Variants in MECOM observed in about 807,000 individuals in gnomAD.
MECOM encodes the protein MDS1 and EVI1 complex locus, also known as histone-lysine N-methyltransferase MECOM.
Under a neutral mutation model 116.3 loss-of-function variants are expected in MECOM, and 13 were observed. The ratio of observed to expected loss-of-function variants is 0.11; its 90% confidence interval spans 0.07 to 0.18. The LOEUF is 0.18. Among genes scored for constraint, MECOM ranks in the 10% least tolerant of loss-of-function variants. The pLI is 1.00. For missense variants in MECOM, 1,299 were observed against 1,509.0 expected (o/e 0.86, Z 2.31); for synonymous variants, 528 against 535.2 (o/e 0.99, Z 0.19).
chr3:169,266,719 T>C (rs547330660), intron 2 of MECOM, among the ~76,000 whole-genome samples: 39 of 152,306 alleles, frequency 2.6e-4, no homozygotes, highest in Middle Eastern at 3.4e-3. Flanking sequence ...GAAAAACTTC[T>C]GTCAAATATT....
At chr3:169,435,796 T>G (rs943662670) in intron 1 of MECOM, among the ~76,000 whole-genome samples, 3 of 152,192 alleles carry the variant, frequency 2.0e-5, no homozygotes, top group Non-Finnish European at 4.4e-5. Context: ...ATAAATTGCA[T>G]TCAGTCTAAT....
intron 3 of MECOM, among the ~76,000 whole-genome samples, chr3:169,142,467 C>A (rs1738409694): frequency 6.6e-6 from 1 of 151,792 alleles, no homozygotes; most frequent in African/African-American, 2.4e-5. Flanking sequence ...TTGTTGATGG[C>A]GACAGTAACT....
chr3:169,191,770 GAAA>G (rs1747705438), intron 2 of MECOM, among the ~76,000 whole-genome samples: 2 of 136,520 alleles, frequency 1.5e-5, no homozygotes, highest in Admixed American at 1.5e-4. Context: ...AAGAAAGAAA[GAAA>G]GAAAGAAAGA....
chr3:169,617,026 A>C (rs1770098492), intron 1 of MECOM, among the ~76,000 whole-genome samples: 1 of 152,220 alleles, frequency 6.6e-6, no homozygotes, highest in South Asian at 2.1e-4. Context: ...ACACAACAGA[A>C]ACTAGGGTTA....
intron 2 of MECOM, among the ~76,000 whole-genome samples, chr3:169,168,337 C>CTTTTTTTT (rs1166736467): frequency 0.046 from 4,886 of 107,194 alleles, 85 homozygotes; most frequent in South Asian, 0.1. Context: ...ACTTGGCCTG[C>CTTTTTTTT]TTTTTTTTTT....
At chr3:169,188,416 A>G (rs188469563) in intron 2 of MECOM, among the ~76,000 whole-genome samples, 162 of 152,166 alleles carry the variant, frequency 1.1e-3, no homozygotes, top group South Asian at 2.1e-3. Flanking sequence ...GGACCAGAAG[A>G]AAAAAATAGA....
intron 2 of MECOM, among the ~76,000 whole-genome samples, chr3:169,265,033 GA>G (rs61350095): frequency 0.06 from 8,380 of 138,594 alleles, 303 homozygotes; most frequent in Non-Finnish European, 0.078. Context: ...CAGCAAAACA[GA>G]AAAAAAAAAA....
At chr3:169,521,089 A>T (rs1358693924) in intron 1 of MECOM, among the ~76,000 whole-genome samples, 1 of 152,202 alleles carries the variant, frequency 6.6e-6, no homozygotes, top group African/African-American at 2.4e-5. Context: ...GTCAACTCGG[A>T]GAAGATAGGT....
intron 2 of MECOM, among the ~76,000 whole-genome samples, chr3:169,358,173 G>A (rs185121484): frequency 5.3e-5 from 8 of 151,742 alleles, no homozygotes; most frequent in Admixed American, 1.3e-4. Context: ...GCATATTGTC[G>A]TCTTGTAACT....
intron 2 of MECOM, among the ~76,000 whole-genome samples, chr3:169,352,214 A>G (rs1344400494): frequency 6.6e-6 from 1 of 151,942 alleles, no homozygotes; most frequent in Non-Finnish European, 1.5e-5. Context: ...ATTTTCCTGT[A>G]AGGCAGAAAA....
intron 2 of MECOM, among the ~76,000 whole-genome samples, chr3:169,351,165 T>G (rs1225320126): frequency 1.3e-5 from 2 of 151,860 alleles, no homozygotes; most frequent in Non-Finnish European, 2.9e-5. Context: ...TTATATAAAT[T>G]ATCTTTTGTT....
rs2149793126 is a variant in MECOM at position 169,342,827 on chromosome 3, C to T, written c.375+38360G>A. On this transcript the variant is annotated intron_variant, in intron 2 of 16. Transcript: ENST00000651503. ...TGGGAATGTGGCCACTAGGAGCTGA[C>T]AATAGCTGTTTTGTCACATCTAGGC... 3.3e-5 allele frequency among the ~76,000 whole-genome samples: 5 copies of T among 152,256 alleles called. 1 individual carries two copies. The South Asian group carries it at 1.0e-3, about 32-fold the overall frequency.
At chr3:169,471,157 G>C (rs568876855) in intron 1 of MECOM, among the ~76,000 whole-genome samples, 7 of 151,950 alleles carry the variant, frequency 4.6e-5, no homozygotes, top group Admixed American at 4.6e-4. Flanking sequence ...ATGCCCGTCT[G>C]ATTTTTTGTA....
At chr3:169,411,272 A>G (rs934548429) in intron 1 of MECOM, among the ~76,000 whole-genome samples, 2 of 152,228 alleles carry the variant, frequency 1.3e-5, no homozygotes, top group Non-Finnish European at 2.9e-5. Flanking sequence ...CTAAGCATTA[A>G]GAAAAAGAAG....
chr3:169,553,417 C>T (rs1411030624), intron 1 of MECOM, among the ~76,000 whole-genome samples: 1 of 152,186 alleles, frequency 6.6e-6, no homozygotes, highest in Non-Finnish European at 1.5e-5. Context: ...AGCTACTGTA[C>T]AGCAGAAATT....
At chr3:169,521,195 G>A (rs1253556701) in intron 1 of MECOM, among the ~76,000 whole-genome samples, 3 of 152,142 alleles carry the variant, frequency 2.0e-5, no homozygotes, top group Non-Finnish European at 4.4e-5. Flanking sequence ...CCAGAGTTCT[G>A]GGGCCAGAGG....
At chr3:169,505,858 A>C (rs569064343) in intron 1 of MECOM, among the ~76,000 whole-genome samples, 5 of 152,188 alleles carry the variant, frequency 3.3e-5, no homozygotes, top group Admixed American at 2.6e-4. Flanking sequence ...TCTTTATCAT[A>C]AAGGTGGAAC....
intron 1 of MECOM, among the ~76,000 whole-genome samples, chr3:169,584,869 A>G (rs1167648886): frequency 7.2e-5 from 11 of 152,206 alleles, no homozygotes; most frequent in Admixed American, 6.5e-4. Context: ...AGCAGTACCA[A>G]AAAGTACTAA....
chr3:169,531,454 G>A (rs1021299403), intron 1 of MECOM, among the ~76,000 whole-genome samples: 1 of 152,074 alleles, frequency 6.6e-6, no homozygotes, highest in Admixed American at 6.6e-5. Context: ...TTTTTCCACT[G>A]TCTCTCATAT....
Sources: allele counts gnomAD v4.1 joint callset (sites outside exome capture counted in the v4.1 genomes callset), GRCh38; gene constraint gnomAD v4.1.1; transcripts MANE v1.5; gene names NCBI Gene and HGNC (gene_info 2026-07-23, HGNC 2026-07-21).